The following ACADSB variants were observed in gnomAD, a reference collection of about 807,000 sequenced individuals.
The protein encoded by ACADSB is acyl-CoA dehydrogenase short/branched chain, also known as short/branched chain specific acyl-CoA dehydrogenase, mitochondrial.
Under a neutral mutation model 54.1 loss-of-function variants are expected in ACADSB, and 40 were observed. That is an observed-to-expected ratio of 0.74 (90% CI 0.57 to 0.96). ACADSB has a LOEUF of 0.96. ACADSB is among the 40% of genes least tolerant of loss of function. ACADSB has a pLI of 0.00. For missense variants in ACADSB, 530 were observed against 510.4 expected (o/e 1.04, Z -0.37); for synonymous variants, 182 against 182.8 (o/e 1.00, Z 0.03).
At chr10:123,012,266 T>C (rs879601938) in intron 1 of ACADSB, among the ~76,000 whole-genome samples, 27 of 152,252 alleles carry the variant, frequency 1.8e-4, no homozygotes, top group Non-Finnish European at 1.5e-4. Flanking sequence ...AACTTTTTGC[T>C]CTTCAACAAA....
At chr10:123,029,898 T>C (rs1226245470) in intron 1 of ACADSB, among the ~76,000 whole-genome samples, 1 of 152,186 alleles carries the variant, frequency 6.6e-6, no homozygotes, top group Non-Finnish European at 1.5e-5. Flanking sequence ...TTCTCATAGT[T>C]CTGGAGAATG....
intron 1 of ACADSB, among the ~76,000 whole-genome samples, chr10:123,010,153 C>G (rs1057306129): frequency 6.6e-6 from 1 of 152,234 alleles, no homozygotes; most frequent in African/African-American, 2.4e-5. Context: ...CAATTTGACT[C>G]TGTTTTAGAG....
At chr10:123,029,094 C>A (rs1850291159) in intron 1 of ACADSB, among the ~76,000 whole-genome samples, 1 of 152,022 alleles carries the variant, frequency 6.6e-6, no homozygotes, top group African/African-American at 2.4e-5. Context: ...TGCTTGTAAT[C>A]CCAGCACTTT....
chr10:123,021,724 C>G (rs1850187339), intron 1 of ACADSB, among the ~76,000 whole-genome samples: 1 of 152,208 alleles, frequency 6.6e-6, no homozygotes, highest in South Asian at 2.1e-4. Flanking sequence ...TGGAGCTCTT[C>G]ACGCAACAGG....
At chr10:123,015,860 AC>A (rs1850103770) in intron 1 of ACADSB, among the ~76,000 whole-genome samples, 1 of 152,182 alleles carries the variant, frequency 6.6e-6, no homozygotes, top group South Asian at 2.1e-4. Flanking sequence ...TCCCACTTAG[AC>A]CATTTCACAA....
chr10:123,052,918 G>A lies in ACADSB; in HGVS notation c.1129-143G>A. ...AAATGGTATGGAGAATGGGACTGAA[G>A]AGACAATGCTAGTTTAGAAGATAAC... is the stretch of plus-strand genomic sequence containing the variant. On this transcript the variant is annotated intron_variant, in intron 9 of 10. Coordinates refer to ENST00000358776, the MANE Select transcript of ACADSB (RefSeq NM_001609.4). The surrounding 1 kb of genome is among the most constrained non-coding windows in gnomAD (Gnocchi z 4.2). The A allele has an allele frequency of 2.8e-6, 2 of 707,072 alleles. No individual in the cohort carries two copies. Among genetic ancestry groups the A allele is most frequent in the South Asian group, 1.5e-5 (1 of 67,078 alleles). 43.8% of individuals were successfully genotyped at this position (707,072 alleles called of 1,614,324 possible).
chr10:123,021,184 C>T (rs1243438005), intron 1 of ACADSB, among the ~76,000 whole-genome samples: 2 of 152,128 alleles, frequency 1.3e-5, no homozygotes, highest in Non-Finnish European at 2.9e-5. Context: ...CTGCATTAGT[C>T]CACCATTAAT....
chr10:123,009,602 C>T (rs1013270767), intron 1 of ACADSB, among the ~76,000 whole-genome samples: 2 of 152,222 alleles, frequency 1.3e-5, no homozygotes, highest in Non-Finnish European at 2.9e-5. Context: ...GCTTCCCGGC[C>T]AGGGACAGAG....
chr10:123,022,654 A>G (rs1850197705), intron 1 of ACADSB, among the ~76,000 whole-genome samples: 1 of 152,252 alleles, frequency 6.6e-6, no homozygotes, highest in Admixed American at 6.5e-5. Context: ...CCTTTCTGGC[A>G]TATTCTGTAT....
At chr10:123,025,580 C>G (rs569257037) in intron 1 of ACADSB, among the ~76,000 whole-genome samples, 1 of 152,092 alleles carries the variant, frequency 6.6e-6, no homozygotes, top group African/African-American at 2.4e-5. Flanking sequence ...AGTTGTAATT[C>G]CTGCCATCAA....
At position 123,014,674 on chromosome 10, in the gene ACADSB, T is replaced by C. The variant is rs567694507; in HGVS notation, c.42+5603T>C. ...TTAATTGGGGAGGTAGGGTATCTGTTTTAAAAATGAATTTTAGAACAGTAG... is the reference window on the plus strand; with the variant it reads ...TTAATTGGGGAGGTAGGGTATCTGTCTTAAAAATGAATTTTAGAACAGTAG... On this transcript the variant is annotated intron_variant, in intron 1 of 10. Transcript: ENST00000358776. 2.6e-5 allele frequency among the ~76,000 whole-genome samples: 4 copies of C among 152,364 alleles called. No individual in the cohort carries two copies. The South Asian group carries it at 8.3e-4, about 32-fold the overall frequency.
At chr10:123,016,622 A>G (rs1289513266) in intron 1 of ACADSB, among the ~76,000 whole-genome samples, 1 of 152,266 alleles carries the variant, frequency 6.6e-6, no homozygotes, top group Non-Finnish European at 1.5e-5. Context: ...ATGCTAGCCA[A>G]AACCATAAAT....
chr10:123,030,785 C>CCTTT (rs1739906139), intron 1 of ACADSB, among the ~76,000 whole-genome samples: 1 of 151,906 alleles, frequency 6.6e-6, no homozygotes, highest in South Asian at 2.1e-4. Context: ...CACAAATGAG[C>CCTTT]CTTTACCAGA....
rs1850153982 is a variant in ACADSB at position 123,019,576 on chromosome 10, C to G, written c.42+10505C>G. On this transcript the variant is annotated intron_variant, in intron 1 of 10. Transcript: ENST00000358776. ...TGGTGATAGTTTTTTATCAGGCTTACAAATATGAGAACCCTTTTTTCATGG... is the reference window on the plus strand; with the variant it reads ...TGGTGATAGTTTTTTATCAGGCTTAGAAATATGAGAACCCTTTTTTCATGG... 5.9e-5 allele frequency among the ~76,000 whole-genome samples: 9 copies of G among 152,328 alleles called. No individual in the cohort carries two copies. In the South Asian group the frequency reaches 1.9e-3, roughly 32 times the overall value.
intron 1 of ACADSB, among the ~76,000 whole-genome samples, chr10:123,012,695 G>T (rs946229274): frequency 6.6e-6 from 1 of 151,842 alleles, no homozygotes; most frequent in South Asian, 2.1e-4. Context: ...TTGTGGCCTC[G>T]CTGGCTTCAG....
chr10:123,055,524 A>G lies in ACADSB; in HGVS notation c.*1759A>G, dbSNP rs1027347239. The stretch of plus-strand genomic sequence containing the variant: ...TCCAAATCTCATGTCCTCACATTTC[A>G]AAACCAATCATGCCTTCCCAACAGT... On this transcript the variant is annotated 3_prime_UTR_variant, in exon 11 of 11. Coordinates refer to ENST00000358776, the MANE Select transcript of ACADSB (RefSeq NM_001609.4). 1 of 152,214 alleles carries G rather than the reference A, an allele frequency of 6.6e-6. No individual in the cohort carries two copies. The highest frequency in any genetic ancestry group is 1.5e-5 in the Non-Finnish European group (1 of 68,072). 9.4% of individuals were successfully genotyped at this position (152,214 alleles called of 1,614,324 possible). A position where few individuals can be genotyped will look rare whatever the true frequency, so the allele number is the denominator to read the frequency against.
chr10:123,053,525 T>C (rs1850660426), intron 10 of ACADSB, among the ~76,000 whole-genome samples, 170 bp from the exon 11 acceptor site: 1 of 152,142 alleles, frequency 6.6e-6, no homozygotes, highest in Admixed American at 6.5e-5. Flanking sequence ...AATGGAAAAT[T>C]GTCATCTCTT....
intron 3 of ACADSB, among the ~76,000 whole-genome samples, chr10:123,039,503 T>C (rs1402885228): frequency 6.6e-6 from 1 of 152,254 alleles, no homozygotes; most frequent in Non-Finnish European, 1.5e-5. Flanking sequence ...AAGGCTTGGC[T>C]GGCACTGGTC....
chr10:123,045,144 TATATATATATA>T (rs1850536044), intron 7 of ACADSB, among the ~76,000 whole-genome samples: 1 of 13,582 alleles, frequency 7.4e-5, no homozygotes. Flanking sequence ...TATATATATA[TATATATATATA>T]TATATATATA....
Sources: gnomAD v4.1 joint callset for allele counts (sites outside exome capture counted in the v4.1 genomes callset) on GRCh38, gnomAD v4.1.1 for gene constraint, Gnocchi (gnomAD v3.1) non-coding constraint, MANE v1.5 for transcripts, NCBI Gene and HGNC (gene_info 2026-07-23, HGNC 2026-07-21) for gene names.